CCDC150: variants seen among roughly 807,000 people sequenced by gnomAD.
CCDC150 encodes coiled-coil domain containing 150.
CCDC150 carries 151 observed loss-of-function variants against 156.5 expected under a neutral mutation model. The ratio of observed to expected loss-of-function variants is 0.97; its 90% CI spans 0.85 to 1.10. The LOEUF (loss-of-function observed/expected upper bound fraction) is 1.10. Among genes scored for constraint, CCDC150 ranks in the 50% least tolerant of loss-of-function variants. CCDC150 has a pLI of 0.00. For synonymous variants in CCDC150, 452 were observed against 429.4 expected, an observed-to-expected ratio of 1.05 and a Z score of -0.65; for missense variants, 1,312 against 1,268.1, an observed-to-expected ratio of 1.03 and a Z score of -0.53.
rs374646611 is a variant in CCDC150 at position 196,719,520 on chromosome 2, G to A, written c.2019G>A (p.Leu673=). 1.2e-6 allele frequency: 2 copies of A among 1,609,944 alleles called. No individual in the cohort carries two copies. Among genetic ancestry groups the A allele is most frequent in the African/African-American group, 1.3e-5 (1 of 74,732 alleles). Residue 673 remains leucine (L), a synonymous_variant, in exon 19 of 28, where the codon TTG becomes TTA. Transcript: ENST00000389175. ...NKKVGNFQRQ[L]AEAKEDNCKV... is the part of the protein sequence containing the mutation. ...AGGTGGGAAACTTTCAGCGACAATT[G>A]GCAGAAGCTAAAGAAGACAACTGCA...
intron 21 of CCDC150, among the ~76,000 whole-genome samples, chr2:196,723,682 A>G (rs1224138030): frequency 6.6e-6 from 1 of 152,160 alleles, no homozygotes; most frequent in Non-Finnish European, 1.5e-5. Context: ...GAGTTGGTAG[A>G]ATGTAGTATC....
chr2:196,726,026 T>C lies in CCDC150; in HGVS notation c.2483T>C (p.Ile828Thr). 2 of 1,609,948 alleles carry C rather than the reference T, an allele frequency of 1.2e-6. No individual in the cohort carries two copies. The highest frequency in any genetic ancestry group is 1.7e-6 in the Non-Finnish European group (2 of 1,178,058). ...KVEAELHAER[I>T]EALRKQFQTE... ...GAAGCAGAATTGCATGCTGAACGCA[T>C]AGAAGCTCTAAGAAAGCAGTTTCAA... The change falls in exon 22 of 28, where the codon ATA becomes ACA. Residue 828 changes from isoleucine to threonine, a missense_variant. Coordinates refer to ENST00000389175, the MANE Select transcript of CCDC150 (RefSeq NM_001080539.2).
Position 196,677,280 on chromosome 2 carries a change from C to T in CCDC150, c.1441-13C>T, listed in dbSNP as rs1694567687. 4.5e-6 allele frequency: 7 copies of T among 1,553,512 alleles called. No individual in the cohort carries two copies. Among genetic ancestry groups the T allele is most frequent in the African/African-American group, 1.4e-5 (1 of 73,402 alleles). ...TTGACCTATTCCTTTTTTTTCCCAT[C>T]CTCCTTGGGCAGGTTAATAAAACAG... On this transcript the variant is annotated splice_polypyrimidine_tract_variant and intron_variant, in intron 12 of 27. Transcript: ENST00000389175.
chr2:196,654,864 C>CAT (rs1462011290), intron 2 of CCDC150, among the ~76,000 whole-genome samples: 1 of 152,178 alleles, frequency 6.6e-6, no homozygotes, highest in Non-Finnish European at 1.5e-5. Flanking sequence ...AACTGGCCCT[C>CAT]ATGTAGGAGA....
At chr2:196,650,375 C>T (rs1692806586) in intron 2 of CCDC150, among the ~76,000 whole-genome samples, 1 of 152,092 alleles carries the variant, frequency 6.6e-6, no homozygotes, top group South Asian at 2.1e-4. Flanking sequence ...TTTTACTGTA[C>T]TGTGGAAGAT....
chr2:196,653,644 T>A (rs1053180983), intron 2 of CCDC150, among the ~76,000 whole-genome samples: 3 of 152,188 alleles, frequency 2.0e-5, no homozygotes, highest in Non-Finnish European at 4.4e-5. Flanking sequence ...AGCACTTAAG[T>A]CTCTAAGAAG....
At chr2:196,705,512 A>T (rs1308728201) in intron 15 of CCDC150, among the ~76,000 whole-genome samples, 3 of 152,128 alleles carry the variant, frequency 2.0e-5, no homozygotes, top group African/African-American at 7.2e-5. Context: ...GTTCACTCTC[A>T]TGGTAGTTAG....
intron 10 of CCDC150, among the ~76,000 whole-genome samples, chr2:196,674,604 T>C (rs1001722681): frequency 6.6e-6 from 1 of 152,150 alleles, no homozygotes; most frequent in Non-Finnish European, 1.5e-5. Context: ...TATAGAATCA[T>C]GGAGAACACG....
intron 17 of CCDC150, among the ~76,000 whole-genome samples, chr2:196,718,144 T>C (rs1032135831): frequency 1.3e-5 from 2 of 152,208 alleles, no homozygotes; most frequent in Non-Finnish European, 2.9e-5. Context: ...AAATACACTA[T>C]TTAGTATTTA....
At chr2:196,707,957 TG>T (rs1292527922) in intron 15 of CCDC150, among the ~76,000 whole-genome samples, 1 of 152,180 alleles carries the variant, frequency 6.6e-6, no homozygotes, top group African/African-American at 2.4e-5. Context: ...AAGTGTGATG[TG>T]GTGCTGAGAA....
At chr2:196,660,307 A>G (rs1057016336) in intron 5 of CCDC150, among the ~76,000 whole-genome samples, 7 of 152,156 alleles carry the variant, frequency 4.6e-5, no homozygotes, top group African/African-American at 1.7e-4. Flanking sequence ...TACGTTTCCA[A>G]CTCATTTGGG....
chr2:196,663,719 A>G (rs941933651), intron 5 of CCDC150, among the ~76,000 whole-genome samples: 4 of 152,136 alleles, frequency 2.6e-5, no homozygotes, highest in African/African-American at 9.7e-5. Context: ...TCATATCCCA[A>G]CACATTTTTT....
intron 15 of CCDC150, among the ~76,000 whole-genome samples, chr2:196,708,079 T>C (rs1174312460): frequency 1.3e-5 from 2 of 152,220 alleles, no homozygotes; most frequent in African/African-American, 4.8e-5. Flanking sequence ...TTCTGTCTCA[T>C]TGATCTGTCG....
At chr2:196,720,517 G>A (rs1233392556) in intron 19 of CCDC150, 58 bp from the exon 20 acceptor site, 2 of 1,395,662 alleles carry the variant, frequency 1.4e-6, no homozygotes, top group East Asian at 2.3e-5. Context: ...CTCCCAAATG[G>A]TATCATTCCT....
chr2:196,714,854 A>T (rs1054849975), intron 17 of CCDC150, among the ~76,000 whole-genome samples: 4 of 152,162 alleles, frequency 2.6e-5, no homozygotes, highest in Non-Finnish European at 5.9e-5. Flanking sequence ...TTTTAAAATG[A>T]TATTCTTGTA....
chr2:196,725,826 C>A, intron 21 of CCDC150, 147 bp from the exon 22 acceptor site: 2 of 595,974 alleles, frequency 3.4e-6, no homozygotes, highest in Non-Finnish European at 5.6e-6. Context: ...TAATGAGCTC[C>A]AAATTAGTGA....
Position 196,674,322 on chromosome 2 carries a change from A to T in CCDC150, c.1111A>T (p.Ile371Phe). 6.2e-7 allele frequency: 1 copy of T among 1,602,130 alleles called. No homozygotes were observed. Among genetic ancestry groups the T allele is most frequent in the Non-Finnish European group, 8.5e-7 (1 of 1,173,822 alleles). Residue 371 changes from isoleucine to phenylalanine, a missense_variant, in exon 10 of 28, where the codon ATT becomes TTT. By Grantham distance (21) the Ile-to-Phe change is conservative. Transcript: ENST00000389175. ...TGTTACTATGGAAAAAGCCAGAATC[A>T]TTGCTGACCATCAGGCCATTCTGCA... ...QTVTMEKARI[I>F]ADHQAILQVE...
At chr2:196,678,354 A>T (rs1425011144) in intron 13 of CCDC150, among the ~76,000 whole-genome samples, 1 of 152,172 alleles carries the variant, frequency 6.6e-6, no homozygotes, top group African/African-American at 2.4e-5. Flanking sequence ...TATACATGTA[A>T]ACTTTTAATT....
chr2:196,674,386 CTGGT>C, intron 10 of CCDC150, 38 bp downstream of exon 10: 1 of 1,291,156 alleles, frequency 7.7e-7, no homozygotes, highest in Non-Finnish European at 1.1e-6. Context: ...GAAAGCCAGC[CTGGT>C]TGATAGATCA....
Sources: gnomAD v4.1 joint callset for allele counts (sites outside exome capture counted in the v4.1 genomes callset) on GRCh38, gnomAD v4.1.1 for gene constraint, MANE v1.5 for transcripts, NCBI Gene and HGNC (gene_info 2026-07-23, HGNC 2026-07-21) for gene names.